The following PDE10A variants were observed in gnomAD, a reference collection of about 807,000 sequenced individuals.
PDE10A encodes cAMP and cAMP-inhibited cGMP 3',5'-cyclic phosphodiesterase 10A.
A neutral mutation model predicts 97.7 loss-of-function variants in PDE10A; 39 were observed. The ratio of observed to expected loss-of-function variants is 0.40; its 90% CI spans 0.31 to 0.52. The LOEUF (loss-of-function observed/expected upper bound fraction) is 0.52, where lower values mean the gene tolerates loss of function less well. PDE10A is among the 20% of genes least tolerant of loss of function. The pLI is 0.56. For synonymous variants in PDE10A, 371 were observed against 376.8 expected, an observed-to-expected ratio of 0.98 and a Z score of 0.18; for missense variants, 731 against 1,047.8, an observed-to-expected ratio of 0.70 and a Z score of 4.17.
At chr6:165,811,946 C>T (rs969315569) in intron 1 of PDE10A, among the ~76,000 whole-genome samples, 6 of 152,112 alleles carry the variant, frequency 3.9e-5, no homozygotes, top group Non-Finnish European at 5.9e-5. Flanking sequence ...CTCTGCTTCC[C>T]GGATTCAAGC....
chr6:165,831,478 C>CT (rs200237321), intron 1 of PDE10A, among the ~76,000 whole-genome samples: 5,553 of 133,658 alleles, frequency 0.042, 217 homozygotes, highest in Middle Eastern at 0.086. Flanking sequence ...TTGCAGGAGT[C>CT]TTTTTTTTTT....
chr6:165,430,564 A>G lies in PDE10A; in HGVS notation c.1543-219T>C, dbSNP rs540419811. On this transcript the variant is annotated intron_variant, in intron 8 of 21. Coordinates refer to ENST00000539869, the MANE Select transcript of PDE10A (RefSeq NM_001385079.1). The stretch of plus-strand genomic sequence containing the variant: ...TCTATTTATTGTCTCAAGCACCACA[A>G]AACATTATAGGTTTGGAATTTACAT... 8.5e-5 allele frequency among the ~76,000 whole-genome samples: 13 copies of G among 152,254 alleles called. No homozygotes were observed. In the East Asian group the frequency reaches 2.1e-3, roughly 25 times the overall value.
At chr6:165,983,440 G>A (rs868263875) in intron 1 of PDE10A, among the ~76,000 whole-genome samples, 5 of 152,130 alleles carry the variant, frequency 3.3e-5, no homozygotes, top group East Asian at 1.9e-4. Flanking sequence ...GAACAGGACC[G>A]AAGGGCTTTA....
intron 1 of PDE10A, among the ~76,000 whole-genome samples, chr6:165,683,723 A>G (rs1344083223): frequency 6.6e-6 from 1 of 152,192 alleles, no homozygotes; most frequent in Non-Finnish European, 1.5e-5. Flanking sequence ...AGCCTCACAC[A>G]GGAGGGCTGG....
At chr6:165,423,874 AT>A (rs1178023222) in intron 10 of PDE10A, among the ~76,000 whole-genome samples, 1 of 151,822 alleles carries the variant, frequency 6.6e-6, no homozygotes, top group Non-Finnish European at 1.5e-5. Flanking sequence ...AATTACCCAG[AT>A]TTGCTTGTCT....
At position 165,336,191 on chromosome 6, in the gene PDE10A, C is replaced by G; in HGVS notation, c.2997G>C (p.Val999=). Reference sequence around the variant, plus strand: ...TAAGGGTTGTATAGCAGGGAATGGCCACGGCATTGTAGAACCCAAGCTGCC... The same window carrying G: ...TAAGGGTTGTATAGCAGGGAATGGCGACGGCATTGTAGAACCCAAGCTGCC... ...PQGQLGFYNA[V]AIPCYTTLTQ... Residue 999 remains valine, a synonymous_variant, in exon 21 of 22, where the codon GTG becomes GTC. Transcript: ENST00000539869. 6.2e-7 allele frequency: 1 copy of G among 1,613,964 alleles called. No individual in the cohort carries two copies. Among genetic ancestry groups the G allele is most frequent in the Non-Finnish European group, 8.5e-7 (1 of 1,179,926 alleles).
intron 17 of PDE10A, among the ~76,000 whole-genome samples, chr6:165,386,371 T>C (rs1054753035): frequency 1.3e-5 from 2 of 152,204 alleles, no homozygotes; most frequent in Admixed American, 1.3e-4. Flanking sequence ...TTATATTTAA[T>C]ACAGCCTTTC....
intron 19 of PDE10A, among the ~76,000 whole-genome samples, chr6:165,340,928 C>T (rs1311569797): frequency 2.0e-5 from 3 of 152,222 alleles, no homozygotes; most frequent in African/African-American, 7.2e-5. Context: ...ATTATCATCC[C>T]TATCTCATAA....
intron 1 of PDE10A, among the ~76,000 whole-genome samples, chr6:165,800,498 C>T (rs550706918): frequency 1.3e-5 from 2 of 152,214 alleles, no homozygotes; most frequent in African/African-American, 2.4e-5. Context: ...TACATCAGGC[C>T]GAGTGCCACA....
At chr6:165,898,766 G>T (rs904228812) in intron 1 of PDE10A, among the ~76,000 whole-genome samples, 6 of 151,986 alleles carry the variant, frequency 3.9e-5, no homozygotes, top group Non-Finnish European at 8.8e-5. Context: ...CATGTGGCAT[G>T]GTAGGTCTGG....
chr6:165,558,998 T>TA (rs11394414), intron 1 of PDE10A, among the ~76,000 whole-genome samples: 40,406 of 148,460 alleles, frequency 0.27, 7,575 homozygotes, highest in African/African-American at 0.53. Context: ...ACAATTCAAG[T>TA]AAAAAAAAAA....
chr6:165,410,932 C>CCAAAA (rs376824651), intron 13 of PDE10A, among the ~76,000 whole-genome samples: 1 of 23,956 alleles, frequency 4.2e-5, no homozygotes, highest in Non-Finnish European at 7.4e-5. Flanking sequence ...ACTAAAAATA[C>CCAAAA]AAAAAAATAG....
chr6:165,485,908 T>C lies in PDE10A; in HGVS notation c.995-3565A>G, dbSNP rs142713587. 7.2e-5 allele frequency among the ~76,000 whole-genome samples: 11 copies of C among 152,320 alleles called. No individual in the cohort carries two copies. The East Asian group carries it at 2.1e-3, about 29-fold the overall frequency. ...CGCGCCCGGCGGAGAGCATCACTCT[T>C]AGTGGCTAACTGCGTTGCTGAAGCT... On this transcript the variant is annotated intron_variant, in intron 2 of 21. Transcript: ENST00000539869.
intron 2 of PDE10A, among the ~76,000 whole-genome samples, chr6:165,506,220 CA>C (rs1781183114): frequency 6.6e-6 from 1 of 152,018 alleles, no homozygotes; most frequent in Non-Finnish European, 1.5e-5. Context: ...CTTTCTAGAC[CA>C]TAGAGTTCCA....
At chr6:165,934,476 C>CA (rs113231353) in intron 1 of PDE10A, among the ~76,000 whole-genome samples, 135 of 150,286 alleles carry the variant, frequency 9.0e-4, no homozygotes, top group East Asian at 1.9e-3. Flanking sequence ...AAACTAGTGA[C>CA]AAAAAAAAAC....
intron 17 of PDE10A, among the ~76,000 whole-genome samples, chr6:165,380,019 T>TCACC (rs1398381893): frequency 6.6e-6 from 1 of 152,192 alleles, no homozygotes; most frequent in African/African-American, 2.4e-5. Flanking sequence ...TGGCAGATCA[T>TCACC]CACCCTACAC....
chr6:165,979,727 TC>T (rs1784955050), intron 1 of PDE10A, among the ~76,000 whole-genome samples: 1 of 152,130 alleles, frequency 6.6e-6, no homozygotes, highest in South Asian at 2.1e-4. Flanking sequence ...CCACTCCCAC[TC>T]TTTGAGAGCC....
chr6:165,409,934 G>T (rs1230014813), intron 13 of PDE10A, among the ~76,000 whole-genome samples: 1 of 144,536 alleles, frequency 6.9e-6, no homozygotes, highest in Non-Finnish European at 1.5e-5. Context: ...TTAAATCCAG[G>T]TATTATGATA....
chr6:165,344,377 A>G (rs532407610), intron 18 of PDE10A, among the ~76,000 whole-genome samples: 1 of 152,356 alleles, frequency 6.6e-6, no homozygotes, highest in Non-Finnish European at 1.5e-5. Context: ...AAATTATATA[A>G]TTTTAAAAGA....
Sources: allele counts gnomAD v4.1 joint callset (sites outside exome capture counted in the v4.1 genomes callset), GRCh38; gene constraint gnomAD v4.1.1; transcripts MANE v1.5; gene names NCBI Gene and HGNC (gene_info 2026-07-23, HGNC 2026-07-21).